The following SGTA variants were observed in gnomAD, a reference collection of about 807,000 sequenced individuals.
SGTA encodes small glutamine rich tetratricopeptide repeat co-chaperone alpha, also known as small glutamine-rich tetratricopeptide repeat-containing protein alpha.
Under a neutral mutation model 44.3 loss-of-function variants are expected in SGTA, and 22 were observed. The ratio of observed to expected loss-of-function variants is 0.50; its 90% CI spans 0.36 to 0.71. The LOEUF (loss-of-function observed/expected upper bound fraction) is 0.71. Among genes scored for constraint, SGTA ranks in the 30% least tolerant of loss-of-function variants. The pLI, the probability that SGTA is intolerant of heterozygous loss-of-function variation, is 0.00. For missense variants in SGTA, 341 were observed against 435.9 expected, an observed-to-expected ratio of 0.78 and a Z score of 1.94; for synonymous variants, 174 against 177.6, an observed-to-expected ratio of 0.98 and a Z score of 0.16.
intron 1 of SGTA, among the ~76,000 whole-genome samples, chr19:2,772,472 G>C (rs953517446): frequency 6.6e-6 from 1 of 152,248 alleles, no homozygotes; most frequent in Non-Finnish European, 1.5e-5. Context: ...CCACTCCCCA[G>C]CTGGGCCCCA....
rs909481582 is a variant in SGTA, at chr19:2,755,579, C to T, written c.*361G>A. Reference sequence around the variant, plus strand: ...GCTGTAAAAGGCTTTGGAAGCCACACGATCCGCCACACGGCTGAACGTGAA... The same window carrying T: ...GCTGTAAAAGGCTTTGGAAGCCACATGATCCGCCACACGGCTGAACGTGAA... On this transcript the variant is annotated 3_prime_UTR_variant, in exon 12 of 12. Coordinates refer to ENST00000221566, the MANE Select transcript of SGTA (RefSeq NM_003021.4). This position sits in a 1 kb window ranked among gnomAD's most constrained non-coding sequence, Gnocchi z 5.2. 5.2e-5 allele frequency: 51 copies of T among 985,694 alleles called. No homozygotes were observed. Among genetic ancestry groups the T allele is most frequent in the African/African-American group, 7.0e-5 (4 of 57,358 alleles). The allele number at this position is 985,694 out of a possible 1,614,324, so 61.1% of individuals were successfully genotyped here.
chr19:2,768,911 G>A (rs946338194), intron 2 of SGTA, 58 bp downstream of exon 2: 122 of 1,280,102 alleles, frequency 9.5e-5, no homozygotes, highest in Non-Finnish European at 1.2e-4. Context: ...GTGTCTACAC[G>A]AGGCGACTGT....
rs1287290868 is a variant in SGTA, at chr19:2,765,855, A to T, written c.293-570T>A. Among the ~76,000 whole-genome samples the T allele has an allele frequency of 6.6e-6, 1 of 152,094 alleles. No individual in the cohort carries two copies. On this transcript the variant is annotated intron_variant, in intron 4 of 11. Transcript: ENST00000221566. The surrounding 1 kb of genome is among the most constrained non-coding windows in gnomAD (Gnocchi z 5.5). The stretch of plus-strand genomic sequence containing the variant: ...CAATTCAGGAGGGCGTGGGGGGAAG[A>T]TGGGTATCAGCGTGTGTTTCCCTAA...
chr19:2,767,570 C>A lies in SGTA; in HGVS notation c.207+10G>T. The A allele has an allele frequency of 1.2e-6, 2 of 1,608,198 alleles. No individual in the cohort carries two copies. Among genetic ancestry groups the A allele is most frequent in the Non-Finnish European group, 1.7e-6 (2 of 1,175,870 alleles). On this transcript the variant is annotated intron_variant, in intron 3 of 11. Transcript: ENST00000221566. The surrounding 1 kb of genome is among the most constrained non-coding windows in gnomAD (Gnocchi z 7.3). ...TTGGGGGCAGTGGCTGGGGAAGCATCGAGGCTCACCTTGCCCGTGGCAGCC... is the reference window on the plus strand; with the variant it reads ...TTGGGGGCAGTGGCTGGGGAAGCATAGAGGCTCACCTTGCCCGTGGCAGCC...
In SGTA at chr19:2,769,022, T is replaced by G. The variant is rs369302386; in HGVS notation, c.47A>C (p.His16Pro). Residue 16 changes from histidine (H) to proline (P), a missense_variant, in exon 2 of 12, where the codon CAT becomes CCT. Transcript: ENST00000221566. ...RLAYAIIQFL[H>P]DQLRHGGLSS... ...GAGGCCCCCGTGCCGGAGCTGGTCA[T>G]GCAGGAACTGGATGATGGCGTAGGC... 6.2e-7 allele frequency: 1 copy of G among 1,614,044 alleles called. No homozygotes were observed. The highest frequency in any genetic ancestry group is 1.7e-5 in the Admixed American group (1 of 60,016).
chr19:2,755,881 C>A lies in SGTA; in HGVS notation c.*59G>T. ...CCAACAGGAGGAAGTGGCAGACAACCAGAAGGCTTCCTTCGGGTCGGCCAG... is the reference window on the plus strand; with the variant it reads ...CCAACAGGAGGAAGTGGCAGACAACAAGAAGGCTTCCTTCGGGTCGGCCAG... On this transcript the variant is annotated 3_prime_UTR_variant, in exon 12 of 12. Coordinates refer to ENST00000221566, the MANE Select transcript of SGTA (RefSeq NM_003021.4). This position sits in a 1 kb window ranked among gnomAD's most constrained non-coding sequence, Gnocchi z 5.2. 3 of 985,612 alleles carry A rather than the reference C, an allele frequency of 3.0e-6. No individual in the cohort carries two copies. Among genetic ancestry groups the A allele is most frequent in the Non-Finnish European group, 3.6e-6 (3 of 830,082 alleles). The allele number at this position is 985,612 out of a possible 1,614,324, so 61.1% of individuals were successfully genotyped here.
chr19:2,772,889 T>C (rs1915349695), intron 1 of SGTA, among the ~76,000 whole-genome samples: 1 of 86,942 alleles, frequency 1.2e-5, no homozygotes, highest in Admixed American at 1.1e-4. Context: ...AGGGCAGAAA[T>C]GGGTGACGCG....
Position 2,765,133 on chromosome 19 carries a change from AGGACGCCCCCGCACCC to A in SGTA, c.392+37_392+52del, listed in dbSNP as rs1915101827. The A allele has an allele frequency of 1.0e-4, 130 of 1,281,642 alleles. 4 individuals are homozygous for A. The South Asian group carries it at 1.5e-3, about 15-fold the overall frequency. The allele number at this position is 1,281,642 out of a possible 1,614,324, so 79.4% of individuals were successfully genotyped here. ...CTCAGGTCCCTGCTAAGCATCCCGG[AGGACGCCCCCGCACCC>A]GGCCGCCCCTGCCCTGGGCAGGCCC... On this transcript the variant is annotated intron_variant, in intron 5 of 11. Transcript: ENST00000221566. This position sits in a 1 kb window ranked among gnomAD's most constrained non-coding sequence, Gnocchi z 5.5.
At position 2,757,374 on chromosome 19, in the gene SGTA, GGC is replaced by G. The variant is rs1464891265; in HGVS notation, c.909_910del (p.Pro304GlnfsTer70). 1 of 1,605,454 alleles carries G rather than the reference GGC, an allele frequency of 6.2e-7. No homozygotes were observed. On this transcript the variant is annotated frameshift_variant, in exon 11 of 12. Coordinates refer to ENST00000221566, the MANE Select transcript of SGTA (RefSeq NM_003021.4). LOFTEE classifies it high-confidence loss of function. ...CTGCTGGTCGTCGTTGCTGGCGCTG[GGC>G]GTCCGACTCCGGATCTGGCTCCTGA...
rs1915072163 is a variant in SGTA at position 2,763,919 on chromosome 19, G to T, written c.393-162C>A. Reference sequence around the variant, plus strand: ...GGGCTGATGGGGAAAGCTGAGAGGTGTGGCCACTGAGATGCTCTTAGACAA... The same window carrying T: ...GGGCTGATGGGGAAAGCTGAGAGGTTTGGCCACTGAGATGCTCTTAGACAA... On this transcript the variant is annotated intron_variant, in intron 5 of 11. Transcript: ENST00000221566. The surrounding 1 kb of genome is among the most constrained non-coding windows in gnomAD (Gnocchi z 5.8). Among the ~76,000 whole-genome samples the T allele has an allele frequency of 6.6e-6, 1 of 152,192 alleles. No homozygotes were observed. Among genetic ancestry groups the T allele is most frequent in the Non-Finnish European group, 1.5e-5 (1 of 68,036 alleles).
In SGTA at chr19:2,762,611, C is replaced by T. The variant is rs1413217388; in HGVS notation, c.531G>A (p.Glu177=). The change falls in exon 7 of 12, where the codon GAG becomes GAA. Residue 177 remains glutamate (E), a synonymous_variant. Coordinates refer to ENST00000221566, the MANE Select transcript of SGTA (RefSeq NM_003021.4). The part of the protein sequence containing the change: ...LALSSLNKHV[E]AVAYYKKALE... The stretch of plus-strand genomic sequence containing the variant: ...GAGCCTTCTTGTAGTAAGCCACGGC[C>T]TCCACGTGCTTGTTGAGGCTGGAGA... The T allele has an allele frequency of 6.8e-6, 11 of 1,613,950 alleles. No homozygotes were observed. The highest frequency in any genetic ancestry group is 9.3e-6 in the Non-Finnish European group (11 of 1,180,004).
At chr19:2,780,549 C>A (rs1331499369) in intron 1 of SGTA, among the ~76,000 whole-genome samples, 1 of 152,120 alleles carries the variant, frequency 6.6e-6, no homozygotes, top group African/African-American at 2.4e-5. Flanking sequence ...CAAGTGCTCA[C>A]CTCCCCTGCC....
intron 1 of SGTA, among the ~76,000 whole-genome samples, chr19:2,782,415 G>A (rs749176694): frequency 6.6e-6 from 1 of 152,214 alleles, no homozygotes; most frequent in Non-Finnish European, 1.5e-5. Flanking sequence ...AACAAAAACA[G>A]CTATTCTCAA....
At chr19:2,781,330 C>A (rs938172546) in intron 1 of SGTA, among the ~76,000 whole-genome samples, 1 of 152,132 alleles carries the variant, frequency 6.6e-6, no homozygotes, top group Admixed American at 6.5e-5. Context: ...GCTGTACATG[C>A]GATAGCTTAT....
chr19:2,765,373 A>G lies in SGTA; in HGVS notation c.293-88T>C. 1 of 973,152 alleles carries G rather than the reference A, an allele frequency of 1.0e-6. No homozygotes were observed. Among genetic ancestry groups the G allele is most frequent in the Non-Finnish European group, 1.6e-6 (1 of 627,462 alleles). The allele number at this position is 973,152 out of a possible 1,614,324, so 60.3% of individuals were successfully genotyped here. A position where few individuals can be genotyped will look rare whatever the true frequency, so the allele number is the denominator to read the frequency against. On this transcript the variant is annotated intron_variant, in intron 4 of 11. Coordinates refer to ENST00000221566, the MANE Select transcript of SGTA (RefSeq NM_003021.4). This position sits in a 1 kb window ranked among gnomAD's most constrained non-coding sequence, Gnocchi z 5.5. ...AGAGGAAAACACCGGCCTGGTGTCC[A>G]CACAGACCCGAGGGGGCGTCACACT...
At position 2,762,488 on chromosome 19, in the gene SGTA, C is replaced by A; in HGVS notation, c.636+18G>T. ...GTCAGCTCGGCGTTCTGGAGCCACTCGCCCCCGCTGCACTCACGGGGCTGG... is the reference window on the plus strand; with the variant it reads ...GTCAGCTCGGCGTTCTGGAGCCACTAGCCCCCGCTGCACTCACGGGGCTGG... On this transcript the variant is annotated intron_variant, in intron 7 of 11. Coordinates refer to ENST00000221566, the MANE Select transcript of SGTA (RefSeq NM_003021.4). 6.2e-7 allele frequency: 1 copy of A among 1,613,036 alleles called. No homozygotes were observed. The highest frequency in any genetic ancestry group is 8.5e-7 in the Non-Finnish European group (1 of 1,179,608).
At chr19:2,759,390 ACTC>A in intron 8 of SGTA, 96 bp from the exon 9 acceptor site, 1 of 1,148,318 alleles carries the variant, frequency 8.7e-7, no homozygotes, top group Non-Finnish European at 1.3e-6. Flanking sequence ...TTGGTTCTGG[ACTC>A]CAGCACGCCA....
rs1194535537 is a variant in SGTA, at chr19:2,763,679, G to A, written c.471C>T (p.Ala157=). The change falls in exon 6 of 12, where the codon GCC becomes GCT. Residue 157 remains alanine (A), a synonymous_variant. Coordinates refer to ENST00000221566, the MANE Select transcript of SGTA (RefSeq NM_003021.4). This position sits in a 1 kb window ranked among gnomAD's most constrained non-coding sequence, Gnocchi z 5.8. ...CCATCCTGCCGTAGGCCTTGCTGTA[G>A]GCCGGGTCAATGCAGATGGCCCGCT... The part of the protein sequence containing the change: ...DCERAICIDP[A]YSKAYGRMGL... 1.2e-6 allele frequency: 2 copies of A among 1,613,658 alleles called. No individual in the cohort carries two copies. Among genetic ancestry groups the A allele is most frequent in the African/African-American group, 1.3e-5 (1 of 75,046 alleles).
rs1011575369 is a variant in SGTA at position 2,779,157 on chromosome 19, G to A, written c.-24+4076C>T. 9.2e-5 allele frequency among the ~76,000 whole-genome samples: 14 copies of A among 152,184 alleles called. 1 individual carries two copies. Among genetic ancestry groups the A allele is most frequent in the Admixed American group, 4.6e-4 (7 of 15,268 alleles). On this transcript the variant is annotated intron_variant, in intron 1 of 11. Coordinates refer to ENST00000221566, the MANE Select transcript of SGTA (RefSeq NM_003021.4). ...CTGATGGCCACTAAGTGGGAAGAAA[G>A]GCTGGAAGTCAGTACAGGTCAGCTT...
Sources: gnomAD v4.1 joint callset for allele counts (sites outside exome capture counted in the v4.1 genomes callset) on GRCh38, gnomAD v4.1.1 for gene constraint, Gnocchi (gnomAD v3.1) non-coding constraint, MANE v1.5 for transcripts, NCBI Gene and HGNC (gene_info 2026-07-23, HGNC 2026-07-21) for gene names.